Variants in CREB5 observed in about 807,000 individuals in gnomAD.
CREB5 encodes cAMP responsive element binding protein 5.
In CREB5, 19 loss-of-function variants were observed where a neutral mutation model predicts 57.1. The ratio of observed to expected loss-of-function variants is 0.33; its 90% CI spans 0.23 to 0.49. The LOEUF (loss-of-function observed/expected upper bound fraction) is 0.49. Ranked by LOEUF, CREB5 falls within the 20% of genes least tolerant of loss-of-function variation. The pLI, the probability that CREB5 is intolerant of heterozygous loss-of-function variation, is 0.99. For missense variants in CREB5, 579 were observed against 671.6 expected, an observed-to-expected ratio of 0.86 and a Z score of 1.52; for synonymous variants, 238 against 238.3, an observed-to-expected ratio of 1.00 and a Z score of 0.01.
chr7:28,321,026 T>C (rs1731451022), intron 1 of CREB5, among the ~76,000 whole-genome samples: 1 of 152,126 alleles, frequency 6.6e-6, no homozygotes, highest in African/African-American at 2.4e-5. Flanking sequence ...CCTGGGCAAA[T>C]TACCTGACCT....
At chr7:28,368,824 A>T (rs1016666510) in intron 1 of CREB5, among the ~76,000 whole-genome samples, 1 of 152,222 alleles carries the variant, frequency 6.6e-6, no homozygotes, top group African/African-American at 2.4e-5. Context: ...GAGCAGGAGG[A>T]TTGCTTGAAC....
intron 5 of CREB5, among the ~76,000 whole-genome samples, chr7:28,638,022 G>A (rs543123675): frequency 6.6e-6 from 1 of 152,150 alleles, no homozygotes; most frequent in African/African-American, 2.4e-5. Context: ...TTTATCATTA[G>A]CCTCGTTAGC....
intron 4 of CREB5, among the ~76,000 whole-genome samples, chr7:28,535,313 AGGAGGGAG>A (rs377106460): frequency 7.9e-6 from 1 of 126,936 alleles, no homozygotes; most frequent in Non-Finnish European, 1.7e-5. Context: ...GAAAAGTGAA[AGGAGGGAG>A]GGAGGGAGGG....
chr7:28,641,216 G>T (rs1476092399), intron 5 of CREB5, among the ~76,000 whole-genome samples: 1 of 152,152 alleles, frequency 6.6e-6, no homozygotes, highest in East Asian at 1.9e-4. Flanking sequence ...GAACTCAGGA[G>T]CTGCTGCTTA....
At chr7:28,354,396 T>C (rs1369270299) in intron 1 of CREB5, among the ~76,000 whole-genome samples, 6 of 152,140 alleles carry the variant, frequency 3.9e-5, no homozygotes, top group Non-Finnish European at 8.8e-5. Context: ...CCAGCCTATG[T>C]CTTTCTCCTA....
At chr7:28,763,810 A>ATTAT (rs1554297050) in intron 7 of CREB5, among the ~76,000 whole-genome samples, 1 of 149,032 alleles carries the variant, frequency 6.7e-6, no homozygotes, top group Non-Finnish European at 1.5e-5. Context: ...TATTATTATT[A>ATTAT]TTTTTTTTTG....
chr7:28,624,323 G>A (rs980342987), intron 5 of CREB5, among the ~76,000 whole-genome samples: 2 of 152,182 alleles, frequency 1.3e-5, no homozygotes, highest in African/African-American at 4.8e-5. Context: ...CAGAAGCAGG[G>A]AAGAACAGTT....
At chr7:28,546,041 C>G (rs1332234298) in intron 4 of CREB5, among the ~76,000 whole-genome samples, 3 of 152,214 alleles carry the variant, frequency 2.0e-5, no homozygotes, top group Non-Finnish European at 2.9e-5. Flanking sequence ...ATAGGCATCA[C>G]TCCCCGTCCC....
At chr7:28,493,914 G>A (rs1009090486) in intron 2 of CREB5, among the ~76,000 whole-genome samples, 11 of 152,254 alleles carry the variant, frequency 7.2e-5, no homozygotes, top group African/African-American at 2.4e-4. Flanking sequence ...TAATAGGTGG[G>A]CAAGGTCTTC....
intron 6 of CREB5, among the ~76,000 whole-genome samples, chr7:28,722,236 G>A (rs778431673): frequency 6.6e-6 from 1 of 152,208 alleles, no homozygotes; most frequent in Non-Finnish European, 1.5e-5. Flanking sequence ...CTGTAAGCAG[G>A]CTACTCTTAC....
chr7:28,639,605 T>A (rs1011898252), intron 5 of CREB5, among the ~76,000 whole-genome samples: 11 of 152,136 alleles, frequency 7.2e-5, no homozygotes, highest in Non-Finnish European at 1.5e-4. Context: ...CACTGGAACT[T>A]GAGTAGTGCA....
intron 5 of CREB5, among the ~76,000 whole-genome samples, chr7:28,717,427 A>G (rs918919551): frequency 1.3e-5 from 2 of 152,178 alleles, no homozygotes; most frequent in African/African-American, 4.8e-5. Context: ...AAAAGAGTGG[A>G]AAACTTTATC....
intron 4 of CREB5, among the ~76,000 whole-genome samples, chr7:28,556,658 G>A (rs1216744181): frequency 1.3e-5 from 2 of 152,100 alleles, no homozygotes; most frequent in Admixed American, 6.5e-5. Context: ...ACACATAATT[G>A]TACTGGGTAT....
chr7:28,472,505 G>C (rs1790868509), intron 1 of CREB5, among the ~76,000 whole-genome samples: 1 of 152,326 alleles, frequency 6.6e-6, no homozygotes, highest in African/African-American at 2.4e-5. Context: ...GTGCTGGCCG[G>C]TGGTGGCTAT....
chr7:28,313,848 T>C (rs1785326155), intron 1 of CREB5, among the ~76,000 whole-genome samples: 1 of 152,198 alleles, frequency 6.6e-6, no homozygotes, highest in East Asian at 1.9e-4. Flanking sequence ...TATCTGAAAG[T>C]TTCTAGCACT....
intron 4 of CREB5, among the ~76,000 whole-genome samples, chr7:28,558,551 A>G (rs1005008700): frequency 6.6e-6 from 1 of 152,202 alleles, no homozygotes; most frequent in African/African-American, 2.4e-5. Flanking sequence ...TGTTGAGAGT[A>G]TAATTTGCCA....
At chr7:28,723,152 G>A (rs536809237) in intron 6 of CREB5, among the ~76,000 whole-genome samples, 63 of 152,220 alleles carry the variant, frequency 4.1e-4, no homozygotes, top group Admixed American at 3.1e-3. Flanking sequence ...ATTTCCATCC[G>A]TTGGCAAATG....
At chr7:28,686,336 TCTC>T (rs1186493836) in intron 5 of CREB5, 2 of 661,142 alleles carry the variant, frequency 3.0e-6, no homozygotes, top group Admixed American at 2.4e-5. Flanking sequence ...CGTCTTTGTT[TCTC>T]CTCTTCTTCC....
chr7:28,699,244 A>G (rs1214056906), intron 5 of CREB5, among the ~76,000 whole-genome samples: 1 of 151,806 alleles, frequency 6.6e-6, no homozygotes, highest in Non-Finnish European at 1.5e-5. Context: ...TAGAAACTAG[A>G]GTATTAACTT....
Sources: allele counts gnomAD v4.1 joint callset (sites outside exome capture counted in the v4.1 genomes callset), GRCh38; gene constraint gnomAD v4.1.1; transcripts MANE v1.5; gene names NCBI Gene and HGNC (gene_info 2026-07-23, HGNC 2026-07-21).